Variants in TENM2 observed in about 807,000 individuals in gnomAD.
The protein encoded by TENM2 is teneurin-2.
A neutral mutation model predicts 245.2 loss-of-function variants in TENM2; 52 were observed. The observed-to-expected ratio is 0.21, with a 90% CI of 0.17 to 0.27. TENM2 has a LOEUF of 0.27. Ranked by LOEUF, TENM2 falls within the 10% of genes least tolerant of loss-of-function variation. TENM2 has a pLI of 1.00. For missense variants in TENM2, 3,046 were observed against 3,666.8 expected (o/e 0.83, Z 4.37); for synonymous variants, 1,363 against 1,438.9 (o/e 0.95, Z 1.19).
At chr5:167,372,632 A>C (rs1436134978) in intron 1 of TENM2, among the ~76,000 whole-genome samples, 1 of 152,230 alleles carries the variant, frequency 6.6e-6, no homozygotes. Context: ...ATAGCTACAA[A>C]TCCTCACATG....
At chr5:167,736,861 G>A (rs1280648633) in intron 2 of TENM2, among the ~76,000 whole-genome samples, 1 of 152,110 alleles carries the variant, frequency 6.6e-6, no homozygotes, top group Non-Finnish European at 1.5e-5. Context: ...CTAACAAGGG[G>A]CTGAAGCAGC....
At chr5:167,923,975 C>T (rs1173136840) in intron 3 of TENM2, among the ~76,000 whole-genome samples, 1 of 152,216 alleles carries the variant, frequency 6.6e-6, no homozygotes, top group Non-Finnish European at 1.5e-5. Context: ...CTTAATGCTT[C>T]GCAATTGTGC....
At chr5:167,973,869 A>C in intron 4 of TENM2, among the ~76,000 whole-genome samples, 1 of 151,974 alleles carries the variant, frequency 6.6e-6, no homozygotes, top group Admixed American at 6.5e-5. Context: ...GGAGCCCAAA[A>C]GGGATGTACA....
the TENM2 span, among the ~76,000 whole-genome samples, chr5:167,032,170 A>G: frequency 1.3e-5 from 2 of 152,210 alleles, no homozygotes; most frequent in African/African-American, 2.4e-5. Flanking sequence ...GCTAATTTCA[A>G]GAATTTTATG....
chr5:167,229,188 A>T, the TENM2 span, among the ~76,000 whole-genome samples: 1 of 152,194 alleles, frequency 6.6e-6, no homozygotes, highest in Non-Finnish European at 1.5e-5. Flanking sequence ...CTTAGGGTAT[A>T]GTTATTAGTG....
chr5:167,269,682 G>T, the TENM2 span, among the ~76,000 whole-genome samples: 2 of 152,078 alleles, frequency 1.3e-5, no homozygotes, highest in Admixed American at 1.3e-4. Context: ...CACTCTGAAA[G>T]TCTCCAGGGA....
chr5:168,086,397 C>T (rs1016694265), intron 7 of TENM2, among the ~76,000 whole-genome samples: 1 of 152,178 alleles, frequency 6.6e-6, no homozygotes, highest in East Asian at 1.9e-4. Context: ...ATTTTCATGC[C>T]ACTTTGGGGT....
chr5:167,515,456 T>G (rs554891999), intron 2 of TENM2, among the ~76,000 whole-genome samples: 20 of 151,578 alleles, frequency 1.3e-4, no homozygotes, highest in African/African-American at 3.9e-4. Flanking sequence ...AGTTTAGAAA[T>G]GTAGATCACC....
chr5:168,079,333 G>A (rs9687599), intron 7 of TENM2, among the ~76,000 whole-genome samples: 73,753 of 149,110 alleles, frequency 0.49, 19,068 homozygotes, highest in East Asian at 0.87. Context: ...ATTTTGGGCT[G>A]AGACAATGGG....
intron 2 of TENM2, among the ~76,000 whole-genome samples, chr5:167,466,275 G>A (rs552396642): frequency 6.6e-6 from 1 of 152,296 alleles, no homozygotes; most frequent in East Asian, 1.9e-4. Context: ...CACTTCCCAA[G>A]CATGGGCTCA....
At chr5:168,081,473 A>T (rs1213044124) in intron 7 of TENM2, among the ~76,000 whole-genome samples, 1 of 152,078 alleles carries the variant, frequency 6.6e-6, no homozygotes, top group African/African-American at 2.4e-5. Context: ...TCCTGTCATT[A>T]TGATGTTAGG....
At chr5:167,306,335 TCTC>T (rs1755675421) in intron 1 of TENM2, 1 of 152,216 alleles carries the variant, frequency 6.6e-6, no homozygotes, top group Non-Finnish European at 1.5e-5. Flanking sequence ...CAGATGGTCT[TCTC>T]TAGCTTCTAT....
At chr5:167,344,344 G>T (rs1758335554) in intron 1 of TENM2, among the ~76,000 whole-genome samples, 2 of 145,664 alleles carry the variant, frequency 1.4e-5, no homozygotes, top group Admixed American at 7.1e-5. Context: ...ATATTGCAGA[G>T]ATATGAAACT....
chr5:167,666,130 G>A (rs1755558852), intron 2 of TENM2, among the ~76,000 whole-genome samples: 1 of 152,184 alleles, frequency 6.6e-6, no homozygotes, highest in African/African-American at 2.4e-5. Context: ...TCTGTGAATG[G>A]GCAGGTCCCT....
chr5:167,538,442 G>T (rs77679708), intron 2 of TENM2, among the ~76,000 whole-genome samples: 2,960 of 152,214 alleles, frequency 0.019, 108 homozygotes, highest in African/African-American at 0.068. Context: ...GTCTTGATTG[G>T]GTATGATTCC....
At chr5:167,435,975 C>CTTTTTTTTTTT (rs71591181) in intron 2 of TENM2, among the ~76,000 whole-genome samples, 109 of 83,122 alleles carry the variant, frequency 1.3e-3, no homozygotes, top group Non-Finnish European at 1.7e-3. Flanking sequence ...CTTTTTTTTT[C>CTTTTTTTTTTT]TTTTTTTTTT....
intron 5 of TENM2, among the ~76,000 whole-genome samples, chr5:168,020,430 T>C (rs1432236902): frequency 6.6e-6 from 1 of 152,238 alleles, no homozygotes; most frequent in Non-Finnish European, 1.5e-5. Flanking sequence ...TGGCCCAACA[T>C]GCTCCTGCAA....
chr5:167,307,118 G>T (rs1755726724), intron 1 of TENM2, among the ~76,000 whole-genome samples: 1 of 152,198 alleles, frequency 6.6e-6, no homozygotes, highest in South Asian at 2.1e-4. Flanking sequence ...TGTTGAGATG[G>T]TCTGGACAGG....
chr5:167,959,455 C>T (rs1378202353), intron 4 of TENM2, among the ~76,000 whole-genome samples: 1 of 152,190 alleles, frequency 6.6e-6, no homozygotes, highest in Non-Finnish European at 1.5e-5. Flanking sequence ...AGTTGATCTT[C>T]AATCCCTGAA....
Sources: gnomAD v4.1 joint callset for allele counts (sites outside exome capture counted in the v4.1 genomes callset) on GRCh38, gnomAD v4.1.1 for gene constraint, MANE v1.5 for transcripts, NCBI Gene and HGNC (gene_info 2026-07-23, HGNC 2026-07-21) for gene names.